Variants in PLB1 observed in about 807,000 individuals in gnomAD.
PLB1 encodes phospholipase B1, membrane-associated.
PLB1 carries 242 observed loss-of-function variants against 227.4 expected under a neutral mutation model. That is an observed-to-expected ratio of 1.06 (90% confidence interval 0.96 to 1.18). The LOEUF (loss-of-function observed/expected upper bound fraction) is 1.18. Among genes scored for constraint, PLB1 ranks in the 50% most tolerant of loss-of-function variants. The pLI is 0.00. For synonymous variants in PLB1, 757 were observed against 682.2 expected (o/e 1.11, Z -1.71); for missense variants, 1,858 against 1,816.3 (o/e 1.02, Z -0.42).
chr2:28,620,774 C>A, intron 48 of PLB1, 105 bp from the exon 49 acceptor site: 2 of 1,497,862 alleles, frequency 1.3e-6, no homozygotes, highest in South Asian at 1.1e-5. Flanking sequence ...AGCCCCAGAA[C>A]TCCTGTGTCC....
At chr2:28,505,800 C>G (rs1435323388) in intron 1 of PLB1, among the ~76,000 whole-genome samples, 4 of 152,160 alleles carry the variant, frequency 2.6e-5, no homozygotes, top group Non-Finnish European at 5.9e-5. Flanking sequence ...CTGAGTCCTT[C>G]AAATTATTGA....
At chr2:28,627,033 A>T (rs1022891188) in intron 51 of PLB1, among the ~76,000 whole-genome samples, 4 of 152,200 alleles carry the variant, frequency 2.6e-5, no homozygotes, top group African/African-American at 9.7e-5. Context: ...TTATTTTGGA[A>T]TACATCTTGT....
intron 17 of PLB1, among the ~76,000 whole-genome samples, chr2:28,557,857 C>T (rs1323336528): frequency 6.6e-6 from 1 of 152,164 alleles, no homozygotes; most frequent in Non-Finnish European, 1.5e-5. Context: ...ATGACATTAA[C>T]AAACCTCAAA....
intron 25 of PLB1, among the ~76,000 whole-genome samples, chr2:28,582,926 G>T (rs567088949): frequency 6.6e-6 from 1 of 152,268 alleles, no homozygotes; most frequent in South Asian, 2.1e-4. Context: ...GGTGCCTCTG[G>T]TTGGTATGGG....
At chr2:28,529,503 G>T (rs1670721955) in intron 7 of PLB1, 96 bp downstream of exon 7, 1 of 1,126,066 alleles carries the variant, frequency 8.9e-7, no homozygotes, top group Non-Finnish European at 1.3e-6. Flanking sequence ...AGTCAAAGAG[G>T]CTTAAAAATA....
At chr2:28,592,521 A>G (rs993705358) in intron 31 of PLB1, 140 bp from the exon 32 acceptor site, 1 of 818,192 alleles carries the variant, frequency 1.2e-6, no homozygotes, top group African/African-American at 1.7e-5. Context: ...CTTTGCCTCC[A>G]TGGCACTGTG....
chr2:28,511,010 GT>G, intron 1 of PLB1, among the ~76,000 whole-genome samples: 1 of 152,056 alleles, frequency 6.6e-6, no homozygotes, highest in Non-Finnish European at 1.5e-5. Flanking sequence ...ACACTAGCTT[GT>G]GGATTATACA....
At chr2:28,571,460 T>G (rs554197552) in intron 20 of PLB1, among the ~76,000 whole-genome samples, 88 of 152,024 alleles carry the variant, frequency 5.8e-4, no homozygotes, top group Non-Finnish European at 8.1e-4. Flanking sequence ...ACCCTAAAAT[T>G]CATGTGGAAA....
intron 46 of PLB1, among the ~76,000 whole-genome samples, chr2:28,619,478 A>G (rs1446399856): frequency 7.0e-6 from 1 of 143,412 alleles, no homozygotes; most frequent in Non-Finnish European, 1.5e-5. Flanking sequence ...TTGTTTAAAT[A>G]TTTGTATCAT....
At chr2:28,598,526 C>T in intron 34 of PLB1, 126 bp from the exon 35 acceptor site, 1 of 720,692 alleles carries the variant, frequency 1.4e-6, no homozygotes, top group Non-Finnish European at 2.5e-6. Context: ...TGCCTCCCTG[C>T]CTCTCCCCAG....
intron 4 of PLB1, among the ~76,000 whole-genome samples, chr2:28,524,002 C>T (rs781412378): frequency 2.0e-5 from 3 of 152,194 alleles, no homozygotes; most frequent in Non-Finnish European, 2.9e-5. Flanking sequence ...AGATTTATCT[C>T]CTGTCTCTTA....
rs146584201 is a variant in PLB1 at position 28,618,856 on chromosome 2, G to A, written c.3315+457G>A. 2.6e-4 allele frequency among the ~76,000 whole-genome samples: 40 copies of A among 152,284 alleles called. No homozygotes were observed. The East Asian group carries it at 6.2e-3, about 24-fold the overall frequency. Reference sequence around the variant, plus strand: ...CTCACACATAGCACAGTCTTGCTAAGTGAATTGTGTTCGCCAATTACTTAG... The same window carrying A: ...CTCACACATAGCACAGTCTTGCTAAATGAATTGTGTTCGCCAATTACTTAG... On this transcript the variant is annotated intron_variant, in intron 46 of 57. Coordinates refer to ENST00000327757, the MANE Select transcript of PLB1 (RefSeq NM_153021.5).
rs758015200 is a variant in PLB1, at chr2:28,630,612, CGCAAAGCTCCCTGGA to C, written c.3847_3861del (p.Gln1283_Glu1287del). 3.7e-6 allele frequency: 6 copies of C among 1,613,678 alleles called. No homozygotes were observed. In the African/African-American group the frequency reaches 8.0e-5, roughly 22 times the overall value. ...AACAACTGCACTTGCCTCAGACACTCGCAAAGCTCCCTGGAGAAGCAAGAACTGAAGAAAGTGAAC... is the reference window on the plus strand; with the variant it reads ...AACAACTGCACTTGCCTCAGACACTCGAAGCAAGAACTGAAGAAAGTGAAC... On this transcript the variant is annotated inframe_deletion, in exon 54 of 58. Transcript: ENST00000327757.
At chr2:28,601,413 C>A (rs1256971384) in intron 37 of PLB1, 81 bp downstream of exon 37, 1 of 1,165,464 alleles carries the variant, frequency 8.6e-7, no homozygotes, top group Non-Finnish European at 1.3e-6. Flanking sequence ...GAGAACAGTT[C>A]CTAAAACCAA....
rs149744920 is a variant in PLB1 at position 28,597,039 on chromosome 2, G to A, written c.2322-966G>A. On this transcript the variant is annotated intron_variant, in intron 33 of 57. Coordinates refer to ENST00000327757, the MANE Select transcript of PLB1 (RefSeq NM_153021.5). Reference sequence around the variant, plus strand: ...AGCACTTTGGGAGGCTGAGGCGGGCGAATCATGAGGTCAGGAGATCGAGAC... The same window carrying A: ...AGCACTTTGGGAGGCTGAGGCGGGCAAATCATGAGGTCAGGAGATCGAGAC... 6.5e-3 allele frequency among the ~76,000 whole-genome samples: 993 copies of A among 152,212 alleles called. 9 individuals are homozygous for A. The highest frequency in any genetic ancestry group is 0.022 in the African/African-American group (932 of 41,526).
chr2:28,529,796 C>T lies in PLB1; in HGVS notation c.468+17C>T, dbSNP rs140889422. ...GAGAACCTGGTAAGCATCCGTCCAA[C>T]TCTGGCATGGCTGGGCTGCCTGGCT... On this transcript the variant is annotated intron_variant, in intron 8 of 57. Transcript: ENST00000327757. 1,359 of 1,613,610 alleles carry T rather than the reference C, an allele frequency of 8.4e-4. 10 individuals are homozygous for T. In the African/African-American group the frequency reaches 0.016, roughly 19 times the overall value.
chr2:28,511,325 T>C (rs1229236984), intron 1 of PLB1, among the ~76,000 whole-genome samples: 2 of 152,222 alleles, frequency 1.3e-5, no homozygotes, highest in Non-Finnish European at 1.5e-5. Flanking sequence ...AATGACACTT[T>C]AAAAATTTAA....
intron 46 of PLB1, 76 bp downstream of exon 46, chr2:28,618,475 G>T: frequency 6.8e-7 from 1 of 1,464,628 alleles, no homozygotes; most frequent in Non-Finnish European, 9.5e-7. Flanking sequence ...TGCTTCCCCA[G>T]CATTGGCTCC....
rs72850484 is a variant in PLB1 at position 28,627,076 on chromosome 2, C to A, written c.3660+568C>A. ...TGGGGACATTCTGTATTTTATTTGGCCGGGAAAAGGCAGCTGCCCAGCCTC... is the reference window on the plus strand; with the variant it reads ...TGGGGACATTCTGTATTTTATTTGGACGGGAAAAGGCAGCTGCCCAGCCTC... On this transcript the variant is annotated intron_variant, in intron 51 of 57. Coordinates refer to ENST00000327757, the MANE Select transcript of PLB1 (RefSeq NM_153021.5). 2.9e-3 allele frequency among the ~76,000 whole-genome samples: 440 copies of A among 152,216 alleles called. 4 individuals are homozygous for A. The highest frequency in any genetic ancestry group is 0.01 in the African/African-American group (416 of 41,530).
Sources: gnomAD v4.1 joint callset for allele counts (sites outside exome capture counted in the v4.1 genomes callset) on GRCh38, gnomAD v4.1.1 for gene constraint, MANE v1.5 for transcripts, NCBI Gene and HGNC (gene_info 2026-07-23, HGNC 2026-07-21) for gene names.